EIF2D: variants seen among roughly 807,000 people sequenced by gnomAD.
EIF2D encodes hepatocellular carcinoma-associated antigen 56.
EIF2D carries 56 observed loss-of-function variants against 77.4 expected under a neutral mutation model. The ratio of observed to expected loss-of-function variants is 0.72; its 90% CI spans 0.58 to 0.90. EIF2D has a LOEUF of 0.90. EIF2D is among the 40% of genes least tolerant of loss of function. EIF2D has a pLI of 0.00. For missense variants in EIF2D, 574 were observed against 706.5 expected, an observed-to-expected ratio of 0.81 and a Z score of 2.13; for synonymous variants, 230 against 271.0, an observed-to-expected ratio of 0.85 and a Z score of 1.49.
intron 11 of EIF2D, among the ~76,000 whole-genome samples, chr1:206,598,037 G>A (rs76668110): frequency 6.6e-6 from 1 of 151,420 alleles, no homozygotes; most frequent in East Asian, 1.9e-4. Context: ...TTTTTAAAGT[G>A]AAAAAAAAAT....
chr1:206,610,099 C>T (rs1047907891), intron 2 of EIF2D, among the ~76,000 whole-genome samples: 2 of 152,208 alleles, frequency 1.3e-5, no homozygotes, highest in African/African-American at 2.4e-5. Context: ...TAAAAAATCC[C>T]TGTGAGACCT....
downstream of EIF2D, chr1:206,591,536 T>C (rs1553408941): frequency 5.4e-6 from 3 of 556,740 alleles, no homozygotes; most frequent in South Asian, 2.2e-5. Flanking sequence ...TGAAACCACA[T>C]GGACAGAATG....
intron 2 of EIF2D, among the ~76,000 whole-genome samples, chr1:206,610,120 T>C (rs944366459): frequency 7.9e-5 from 12 of 152,224 alleles, no homozygotes; most frequent in Admixed American, 7.9e-4. Context: ...ATGGTTAAAG[T>C]ACACCATGAA....
chr1:206,577,260 TG>T (rs1357319137), intron 4 of EIF2D, among the ~76,000 whole-genome samples: 1 of 152,116 alleles, frequency 6.6e-6, no homozygotes, highest in Admixed American at 6.5e-5. Flanking sequence ...TGCCAACCAC[TG>T]GTGCAGAGAA....
intron 14 of EIF2D, 125 bp downstream of exon 14, chr1:206,593,494 A>T (rs1201327740): frequency 6.2e-5 from 27 of 435,458 alleles, no homozygotes; most frequent in African/African-American, 3.1e-4. Flanking sequence ...AGAGCGAGAG[A>T]GAGAGAGAGA....
At chr1:206,607,050 C>T (rs1455058621) in intron 4 of EIF2D, among the ~76,000 whole-genome samples, 2 of 152,154 alleles carry the variant, frequency 1.3e-5, no homozygotes, top group East Asian at 3.9e-4. Context: ...GTAATAGAGA[C>T]AAATTGGAGG....
At chr1:206,597,018 A>G (rs1669679799) in intron 12 of EIF2D, 82 bp downstream of exon 12, 1 of 1,023,354 alleles carries the variant, frequency 9.8e-7, no homozygotes, top group South Asian at 1.3e-5. Context: ...AGGCTAAGAT[A>G]GTGACAGTAT....
Position 206,599,379 on chromosome 1 carries a change from C to T in EIF2D, c.1202+84G>A, listed in dbSNP as rs782746459. ...CAGGGGCAGAGCAGGTTTTGCCAGT[C>T]GCAAAAGAGCACTACTCAGGTTGAG... is the stretch of plus-strand genomic sequence containing the variant. On this transcript the variant is annotated intron_variant, in intron 10 of 14. Transcript: ENST00000271764. This position sits in a 1 kb window ranked among gnomAD's most constrained non-coding sequence, Gnocchi z 4.1. The T allele has an allele frequency of 5.0e-5, 77 of 1,532,334 alleles. No individual in the cohort carries two copies. Among genetic ancestry groups the T allele is most frequent in the Admixed American group, 7.7e-5 (4 of 52,098 alleles). 94.9% of individuals were successfully genotyped at this position (1,532,334 alleles called of 1,614,324 possible). A position where few individuals can be genotyped will look rare whatever the true frequency, so the allele number is the denominator to read the frequency against.
chr1:206,586,960 C>G, downstream of EIF2D: 7 of 1,614,154 alleles, frequency 4.3e-6, no homozygotes, highest in Non-Finnish European at 5.9e-6. Context: ...TAAGAGAATC[C>G]CAGGGCAAAC....
Position 206,609,406 on chromosome 1 carries a change from G to A in EIF2D, c.301C>T (p.Leu101=). 6.2e-7 allele frequency: 1 copy of A among 1,614,240 alleles called. No homozygotes were observed. The highest frequency in any genetic ancestry group is 8.5e-7 in the Non-Finnish European group (1 of 1,180,044). Residue 101 remains leucine, a synonymous_variant, in exon 3 of 15, where the codon CTG becomes TTG. Coordinates refer to ENST00000271764, the MANE Select transcript of EIF2D (RefSeq NM_006893.3). ...CCCCCTACCAGTTTCTCGAGCACCA[G>A]AGGCCATGTTGTAAAGGTTGGCAGA... ...DLLPTFTTWP[L]VLEKLVGGAD... is the part of the protein sequence containing the mutation.
chr1:206,603,323 G>A, intron 5 of EIF2D, 119 bp from the exon 6 acceptor site: 1 of 1,393,736 alleles, frequency 7.2e-7, no homozygotes, highest in Non-Finnish European at 9.6e-7. Flanking sequence ...GGAGTGGCCA[G>A]GAGGGGGCAG....
Position 206,593,504 on chromosome 1 carries a change from A to AGTGTGTGTGCGT in EIF2D, c.1684+114_1684+115insACGCACACACAC, listed in dbSNP as rs1476375070. 6 of 404,968 alleles carry AGTGTGTGTGCGT rather than the reference A, an allele frequency of 1.5e-5. No individual in the cohort carries two copies. In the East Asian group the frequency reaches 2.5e-4, roughly 17 times the overall value. The allele number at this position is 404,968 out of a possible 1,614,324, so 25.1% of individuals were successfully genotyped here. On this transcript the variant is annotated intron_variant, in intron 14 of 14. Coordinates refer to ENST00000271764, the MANE Select transcript of EIF2D (RefSeq NM_006893.3). ...GAGAGAGAGCGAGAGAGAGAGAGAG[A>AGTGTGTGTGCGT]GAGAGTGTGTGTGTGTGTGTGTGTG...
Position 206,599,968 on chromosome 1 carries a change from G to A in EIF2D, c.949-132C>T. 2.2e-6 allele frequency: 2 copies of A among 889,056 alleles called. No homozygotes were observed. The allele number at this position is 889,056 out of a possible 1,614,324, so 55.1% of individuals were successfully genotyped here. ...GACAGCCCCTGCCTTCATCAACCAG[G>A]AACTGGGAGGCCCCCAACCTGAGGG... On this transcript the variant is annotated intron_variant, in intron 8 of 14. Coordinates refer to ENST00000271764, the MANE Select transcript of EIF2D (RefSeq NM_006893.3). This position sits in a 1 kb window ranked among gnomAD's most constrained non-coding sequence, Gnocchi z 4.1.
intron 2 of EIF2D, chr1:206,583,538 G>T: frequency 1.6e-6 from 1 of 617,044 alleles, no homozygotes. Flanking sequence ...CTGATAGCCA[G>T]AGCCCTCAGT....
rs781803000 is a variant in EIF2D, at chr1:206,595,719, T to C, written c.1508A>G (p.Lys503Arg). ...AACATTGTGTCTTTCTAAAATTACC[T>C]TTTTATTAGACGCTCTTTGTGCTAG... ...ITLAQRASNK[K>R]VTVVRNLEAY... The change falls in exon 13 of 15, where the codon AAG (lysine) becomes AGG (arginine). Residue 503 changes from lysine (K) to arginine (R), a missense_variant and splice_region_variant. By Grantham distance (26) the Lys-to-Arg change is conservative. Transcript: ENST00000271764. The C allele has an allele frequency of 6.2e-7, 1 of 1,613,150 alleles. No homozygotes were observed. The highest frequency in any genetic ancestry group is 8.5e-7 in the Non-Finnish European group (1 of 1,179,320).
At position 206,605,526 on chromosome 1, in the gene EIF2D, G is replaced by C. The variant is rs782624125; in HGVS notation, c.423-19C>G. 28 of 1,603,888 alleles carry C rather than the reference G, an allele frequency of 1.7e-5. No homozygotes were observed. In the Admixed American group the frequency reaches 4.7e-4, roughly 27 times the overall value. On this transcript the variant is annotated intron_variant, in intron 4 of 14. Transcript: ENST00000271764. ...AGGGGCTCTAAGAAGAAGGAAGCCA[G>C]AGACCAGGGTCATGGAAAATCTATG...
At chr1:206,572,815 T>C (rs181196915) in intron 4 of EIF2D, 1 of 152,128 alleles carries the variant, frequency 6.6e-6, no homozygotes, top group Non-Finnish European at 1.5e-5. Context: ...TTTCAGTGGG[T>C]TTTTTTTAAT....
chr1:206,597,194 G>C lies in EIF2D; in HGVS notation c.1294C>G (p.Leu432Val), dbSNP rs201352069. ...CATAGGATGGGATCCAATCTCACAA[G>C]ACTAAAGGGAAAGAAGAGGCAATGA... ...NDLVDADNKN[L>V]VRLDPILCDC... Residue 432 changes from leucine (L) to valine (V), a missense_variant and splice_region_variant, in exon 12 of 15, where the codon CTT becomes GTT. Coordinates refer to ENST00000271764, the MANE Select transcript of EIF2D (RefSeq NM_006893.3). 2.5e-5 allele frequency: 40 copies of C among 1,611,654 alleles called. 1 individual carries two copies. Among genetic ancestry groups the C allele is most frequent in the Non-Finnish European group, 3.4e-5 (40 of 1,178,002 alleles).
At chr1:206,597,378 A>G (rs1185702660) in intron 11 of EIF2D, among the ~76,000 whole-genome samples, 183 bp from the exon 12 acceptor site, 2 of 152,244 alleles carry the variant, frequency 1.3e-5, no homozygotes, top group African/African-American at 4.8e-5. Flanking sequence ...TTCCTAGGAA[A>G]AGCAGGAGGT....
Sources: gnomAD v4.1 joint callset for allele counts (sites outside exome capture counted in the v4.1 genomes callset) on GRCh38, gnomAD v4.1.1 for gene constraint, Gnocchi (gnomAD v3.1) non-coding constraint, MANE v1.5 for transcripts, NCBI Gene and HGNC (gene_info 2026-07-23, HGNC 2026-07-21) for gene names.